ATE1: variants seen among roughly 807,000 people sequenced by gnomAD.
The protein encoded by ATE1 is arginyl-tRNA--protein transferase 1.
In ATE1, 36 loss-of-function variants were observed where a neutral mutation model predicts 70.5. The observed-to-expected ratio is 0.51, with a 90% CI of 0.39 to 0.67. The LOEUF (loss-of-function observed/expected upper bound fraction) is 0.67, where lower values mean the gene tolerates loss of function less well. Among genes scored for constraint, ATE1 ranks in the 30% least tolerant of loss-of-function variants. The pLI, the probability that ATE1 is intolerant of heterozygous loss-of-function variation, is 0.00. For missense variants in ATE1, 593 were observed against 629.5 expected, an observed-to-expected ratio of 0.94 and a Z score of 0.62; for synonymous variants, 232 against 219.3, an observed-to-expected ratio of 1.06 and a Z score of -0.51.
At chr10:121,760,609 A>G (rs1312725388) in intron 11 of ATE1, among the ~76,000 whole-genome samples, 5 of 152,224 alleles carry the variant, frequency 3.3e-5, no homozygotes, top group Non-Finnish European at 4.4e-5. Context: ...TTCTTATGGA[A>G]GAGCAAAGAA....
chr10:121,771,058 C>T (rs779492227), intron 11 of ATE1, among the ~76,000 whole-genome samples: 3 of 152,048 alleles, frequency 2.0e-5, no homozygotes, highest in African/African-American at 4.8e-5. Flanking sequence ...TACACACAAC[C>T]ATCTCTCTCT....
intron 10 of ATE1, among the ~76,000 whole-genome samples, chr10:121,832,709 T>C (rs1163867401): frequency 6.6e-6 from 1 of 152,182 alleles, no homozygotes; most frequent in Non-Finnish European, 1.5e-5. Flanking sequence ...TAAGTCCAAT[T>C]AAACCTCTTT....
At chr10:121,908,192 A>G (rs1590697086) in intron 5 of ATE1, among the ~76,000 whole-genome samples, 1 of 152,216 alleles carries the variant, frequency 6.6e-6, no homozygotes, top group African/African-American at 2.4e-5. Context: ...AATGATAAAT[A>G]AAAAGAAGGA....
rs188300194 is a variant in ATE1 at position 121,753,910 on chromosome 10, T to G, written c.1379-10052A>C. Among the ~76,000 whole-genome samples, 549 of 152,322 alleles carry G rather than the reference T, an allele frequency of 3.6e-3. 10 individuals carry two copies. The highest frequency in any genetic ancestry group is 0.012 in the African/African-American group (512 of 41,564). On this transcript the variant is annotated intron_variant, in intron 11 of 11. Coordinates refer to ENST00000224652, the MANE Select transcript of ATE1 (RefSeq NM_001001976.3). ...ATTTGTGAGTTCAGGCTGGCAGGACTGGGCCAATTCTGCCCCATGTGGTCA... is the reference window on the plus strand; with the variant it reads ...ATTTGTGAGTTCAGGCTGGCAGGACGGGGCCAATTCTGCCCCATGTGGTCA...
At chr10:121,770,717 T>C (rs1052654300) in intron 11 of ATE1, among the ~76,000 whole-genome samples, 3 of 136,098 alleles carry the variant, frequency 2.2e-5, no homozygotes, top group African/African-American at 5.5e-5. Context: ...GGGGGATTTA[T>C]AAGATATTTC....
intron 7 of ATE1, among the ~76,000 whole-genome samples, chr10:121,881,879 C>T (rs1042596806): frequency 2.6e-5 from 4 of 152,066 alleles, no homozygotes; most frequent in Admixed American, 6.5e-5. Context: ...CTGCAAACTC[C>T]GCCTCCTGGG....
intron 11 of ATE1, among the ~76,000 whole-genome samples, chr10:121,766,469 A>C (rs567958052): frequency 1.3e-5 from 2 of 152,258 alleles, no homozygotes; most frequent in African/African-American, 4.8e-5. Context: ...AGAAGACGGT[A>C]ATCCAACTGA....
intron 8 of ATE1, among the ~76,000 whole-genome samples, chr10:121,846,187 C>T (rs1429431204): frequency 6.7e-6 from 1 of 150,242 alleles, no homozygotes; most frequent in South Asian, 2.1e-4. Context: ...CAATGGAGCA[C>T]AGAAGTCTAT....
intron 8 of ATE1, among the ~76,000 whole-genome samples, chr10:121,844,604 A>G (rs542462903): frequency 1.3e-5 from 2 of 152,314 alleles, no homozygotes; most frequent in South Asian, 4.1e-4. Context: ...TTGAAAACTT[A>G]TGTCACACAA....
At chr10:121,747,293 C>A (rs1944408933) in intron 11 of ATE1, among the ~76,000 whole-genome samples, 2 of 152,226 alleles carry the variant, frequency 1.3e-5, no homozygotes, top group Admixed American at 6.5e-5. Context: ...TTCATCTGCG[C>A]CTGCTTGCCC....
rs1383078755 is a variant in ATE1 at position 121,849,517 on chromosome 10, A to G, written c.976-8254T>C. Among the ~76,000 whole-genome samples the G allele has an allele frequency of 2.6e-5, 4 of 152,200 alleles. No individual in the cohort carries two copies. In the East Asian group the frequency reaches 7.7e-4, roughly 29 times the overall value. On this transcript the variant is annotated intron_variant, in intron 8 of 11. Coordinates refer to ENST00000224652, the MANE Select transcript of ATE1 (RefSeq NM_001001976.3). Reference sequence around the variant, plus strand: ...CCTGTGGAAGCTGGGGTCTTCCCCAAATGCAGAGCACTTCCTGTAAGATAT... The same window carrying G: ...CCTGTGGAAGCTGGGGTCTTCCCCAGATGCAGAGCACTTCCTGTAAGATAT...
At chr10:121,896,481 T>A (rs983462262) in intron 7 of ATE1, among the ~76,000 whole-genome samples, 1 of 152,154 alleles carries the variant, frequency 6.6e-6, no homozygotes, top group African/African-American at 2.4e-5. Flanking sequence ...TATTATTTTT[T>A]TAAAAATCTG....
At chr10:121,828,331 AC>A in intron 10 of ATE1, among the ~76,000 whole-genome samples, 1 of 152,170 alleles carries the variant, frequency 6.6e-6, no homozygotes, top group East Asian at 1.9e-4. Flanking sequence ...CCACCCAAAA[AC>A]GTAGTGGCCT....
At chr10:121,826,107 A>G (rs981561561) in intron 10 of ATE1, among the ~76,000 whole-genome samples, 1 of 152,198 alleles carries the variant, frequency 6.6e-6, no homozygotes, top group Non-Finnish European at 1.5e-5. Flanking sequence ...TGAGGTACCT[A>G]GAATAGTCAA....
At chr10:121,743,936 T>TTC in intron 11 of ATE1, 78 bp from the exon 12 acceptor site, 2 of 1,416,300 alleles carry the variant, frequency 1.4e-6, no homozygotes, top group Non-Finnish European at 1.9e-6. Context: ...TTTTTTTTTT[T>TTC]TTTGAGACAA....
chr10:121,837,125 A>G (rs1425024230), intron 9 of ATE1, among the ~76,000 whole-genome samples: 1 of 152,246 alleles, frequency 6.6e-6, no homozygotes, highest in Non-Finnish European at 1.5e-5. Flanking sequence ...ATTATTCATC[A>G]TGCCCTATGG....
Position 121,903,813 on chromosome 10 carries a change from T to C in ATE1, c.584-1193A>G, listed in dbSNP as rs146055144. ...GTTTTGTTCTAATTAACAGACCAAA[T>C]ATCAAACTGACATCCCTTTAAAATA... On this transcript the variant is annotated intron_variant, in intron 5 of 11. Transcript: ENST00000224652. Among the ~76,000 whole-genome samples the C allele has an allele frequency of 3.5e-3, 533 of 152,176 alleles. 4 individuals are homozygous for C. The highest frequency in any genetic ancestry group is 0.011 in the African/African-American group (437 of 41,516).
chr10:121,837,246 A>T (rs751399886), intron 9 of ATE1, among the ~76,000 whole-genome samples: 2 of 152,254 alleles, frequency 1.3e-5, no homozygotes, highest in Non-Finnish European at 2.9e-5. Context: ...ATTTACATGC[A>T]AAGACTTTCA....
intron 9 of ATE1, among the ~76,000 whole-genome samples, chr10:121,837,953 C>T (rs1380978401): frequency 6.6e-6 from 1 of 152,090 alleles, no homozygotes; most frequent in African/African-American, 2.4e-5. Flanking sequence ...TGTTCTGGCC[C>T]CAAACCTTGG....
Sources: gnomAD v4.1 joint callset for allele counts (sites outside exome capture counted in the v4.1 genomes callset) on GRCh38, gnomAD v4.1.1 for gene constraint, MANE v1.5 for transcripts, NCBI Gene and HGNC (gene_info 2026-07-23, HGNC 2026-07-21) for gene names.